Variants in CNTNAP2 observed in about 807,000 individuals in gnomAD.
The protein encoded by CNTNAP2 is contactin-associated protein-like 2.
A neutral mutation model predicts 155.2 loss-of-function variants in CNTNAP2; 98 were observed. The ratio of observed to expected loss-of-function variants is 0.63; its 90% CI spans 0.54 to 0.75. The LOEUF is 0.75. Among genes scored for constraint, CNTNAP2 ranks in the 30% least tolerant of loss-of-function variants. The pLI is 0.00. For synonymous variants in CNTNAP2, 651 were observed against 631.2 expected (o/e 1.03, Z -0.47); for missense variants, 1,727 against 1,688.1 (o/e 1.02, Z -0.40).
chr7:147,732,181 T>TCCCCCCCCCC (rs199519152), intron 13 of CNTNAP2, among the ~76,000 whole-genome samples: 48 of 108,544 alleles, frequency 4.4e-4, no homozygotes, highest in East Asian at 1.3e-3. Flanking sequence ...ATGCTATCCC[T>TCCCCCCCCCC]CCCCCCCCCA....
intron 3 of CNTNAP2, among the ~76,000 whole-genome samples, chr7:146,899,723 A>G (rs1795953507): frequency 6.6e-6 from 1 of 152,164 alleles, no homozygotes; most frequent in South Asian, 2.1e-4. Context: ...CTGCCTCAGA[A>G]TTGTCTCAGT....
chr7:147,945,150 T>C (rs1585042032), intron 14 of CNTNAP2, among the ~76,000 whole-genome samples: 1 of 152,200 alleles, frequency 6.6e-6, no homozygotes, highest in Non-Finnish European at 1.5e-5. Context: ...TGTTTTGTAA[T>C]GGTTTTACTA....
At chr7:147,737,449 C>A (rs1399364213) in intron 13 of CNTNAP2, among the ~76,000 whole-genome samples, 1 of 152,148 alleles carries the variant, frequency 6.6e-6, no homozygotes, top group Admixed American at 6.5e-5. Context: ...GGGTGCCTCC[C>A]AGTTTGGCTA....
At chr7:148,050,315 G>C (rs73470231) in intron 15 of CNTNAP2, among the ~76,000 whole-genome samples, 2,064 of 152,286 alleles carry the variant, frequency 0.014, 67 homozygotes, top group African/African-American at 0.047. Flanking sequence ...GGAAGACAGT[G>C]ATATTGATAT....
intron 15 of CNTNAP2, among the ~76,000 whole-genome samples, chr7:147,988,258 A>G (rs1453885610): frequency 6.6e-6 from 1 of 152,200 alleles, no homozygotes; most frequent in Non-Finnish European, 1.5e-5. Flanking sequence ...GGATGCCCTT[A>G]GAGACAATAG....
At position 146,303,555 on chromosome 7, in the gene CNTNAP2, C is replaced by T. The variant is rs544335629; in HGVS notation, c.97+186582C>T. On this transcript the variant is annotated intron_variant, in intron 1 of 23. Transcript: ENST00000361727. ...GAACTTTATACTGGAGCAGGTTTTT[C>T]AGTTTCCATGTAGTTGAGCAGTTTT... Among the ~76,000 whole-genome samples the T allele has an allele frequency of 6.6e-5, 10 of 152,172 alleles. No homozygotes were observed. The South Asian group carries it at 2.1e-3, about 32-fold the overall frequency.
intron 18 of CNTNAP2, among the ~76,000 whole-genome samples, chr7:148,192,739 A>G (rs577730073): frequency 7.2e-5 from 11 of 152,332 alleles, no homozygotes; most frequent in African/African-American, 2.6e-4. Flanking sequence ...AGAATGAGAG[A>G]GGAGGCAGTT....
intron 14 of CNTNAP2, among the ~76,000 whole-genome samples, chr7:147,933,556 A>T (rs546635192): frequency 1.3e-5 from 2 of 150,422 alleles, no homozygotes; most frequent in East Asian, 3.9e-4. Context: ...ACAGAATATC[A>T]TTCAGCCTTA....
intron 1 of CNTNAP2, among the ~76,000 whole-genome samples, chr7:146,694,907 T>C (rs188065426): frequency 6.6e-6 from 1 of 152,192 alleles, no homozygotes; most frequent in Non-Finnish European, 1.5e-5. Context: ...ATTGCTGGTA[T>C]ATAGGAAAAC....
chr7:147,185,148 TA>T (rs1802538647), intron 8 of CNTNAP2, among the ~76,000 whole-genome samples: 1 of 151,920 alleles, frequency 6.6e-6, no homozygotes, highest in Non-Finnish European at 1.5e-5. Flanking sequence ...ATATTAATCT[TA>T]AAAAGTAAAA....
At chr7:146,583,598 TATAAA>T (rs1229195167) in intron 1 of CNTNAP2, among the ~76,000 whole-genome samples, 1 of 152,164 alleles carries the variant, frequency 6.6e-6, no homozygotes, top group East Asian at 1.9e-4. Context: ...AGAGATCGCT[TATAAA>T]ATAATTGAAA....
intron 13 of CNTNAP2, among the ~76,000 whole-genome samples, chr7:147,823,617 A>G (rs1459810745): frequency 6.6e-6 from 1 of 152,142 alleles, no homozygotes; most frequent in African/African-American, 2.4e-5. Flanking sequence ...ATTGTCTTCA[A>G]GGGACTATAG....
intron 3 of CNTNAP2, among the ~76,000 whole-genome samples, chr7:146,889,993 CTT>C (rs1231729122): frequency 6.6e-6 from 1 of 152,120 alleles, no homozygotes; most frequent in Admixed American, 6.6e-5. Flanking sequence ...GCGTCTATCA[CTT>C]GGGTATATTC....
At chr7:148,118,963 TG>T (rs1804538112) in intron 16 of CNTNAP2, among the ~76,000 whole-genome samples, 1 of 152,038 alleles carries the variant, frequency 6.6e-6, no homozygotes, top group African/African-American at 2.4e-5. Flanking sequence ...CAGTGGAAGG[TG>T]GGGGTTAGCT....
intron 4 of CNTNAP2, among the ~76,000 whole-genome samples, chr7:147,103,643 GT>G (rs1800697482): frequency 6.6e-6 from 1 of 151,450 alleles, no homozygotes. Context: ...AAATTTACTA[GT>G]TTTTAATTAG....
intron 13 of CNTNAP2, among the ~76,000 whole-genome samples, chr7:147,837,766 C>G (rs1584982679): frequency 6.6e-6 from 1 of 152,188 alleles, no homozygotes; most frequent in South Asian, 2.1e-4. Context: ...GCAGGGCTGT[C>G]AAATCTTAAA....
chr7:146,639,515 C>T (rs1799669040), intron 1 of CNTNAP2, among the ~76,000 whole-genome samples: 1 of 151,672 alleles, frequency 6.6e-6, no homozygotes, highest in Non-Finnish European at 1.5e-5. Context: ...TTAAATAAAA[C>T]TTGCTTGAGT....
chr7:146,830,616 A>G (rs1193493532), intron 2 of CNTNAP2, among the ~76,000 whole-genome samples: 2 of 152,186 alleles, frequency 1.3e-5, no homozygotes, highest in Non-Finnish European at 2.9e-5. Flanking sequence ...AGCATTAGAT[A>G]CCTTTAATCA....
At position 148,176,682 on chromosome 7, in the gene CNTNAP2, G is replaced by A. The variant is rs545763515; in HGVS notation, c.3010+4204G>A. The stretch of plus-strand genomic sequence containing the variant: ...GAAACCCTACAACTAGACCATGCAG[G>A]CAGTCTCCTCATCTGTCGGCAGATA... On this transcript the variant is annotated intron_variant, in intron 18 of 23. Coordinates refer to ENST00000361727, the MANE Select transcript of CNTNAP2 (RefSeq NM_014141.6). Among the ~76,000 whole-genome samples the A allele has an allele frequency of 2.6e-5, 4 of 152,282 alleles. No individual in the cohort carries two copies. In the South Asian group the frequency reaches 8.3e-4, roughly 32 times the overall value.
Sources: allele counts gnomAD v4.1 joint callset (sites outside exome capture counted in the v4.1 genomes callset), GRCh38; gene constraint gnomAD v4.1.1; transcripts MANE v1.5; gene names NCBI Gene and HGNC (gene_info 2026-07-23, HGNC 2026-07-21).